Variants in FAT1 observed in about 807,000 individuals in gnomAD.
FAT1 encodes the protein protocadherin Fat 1.
FAT1 carries 171 observed loss-of-function variants against 329.8 expected under a neutral mutation model. The ratio of observed to expected loss-of-function variants is 0.52; its 90% CI spans 0.46 to 0.59. FAT1 has a LOEUF of 0.59. Ranked by LOEUF, FAT1 falls within the 20% of genes least tolerant of loss-of-function variation. FAT1 has a pLI of 0.00. For missense variants in FAT1, 5,672 were observed against 5,774.4 expected (o/e 0.98, Z 0.57); for synonymous variants, 2,233 against 2,228.6 (o/e 1.00, Z -0.06).
chr4:186,682,451 C>T (rs1041740078), intron 2 of FAT1, among the ~76,000 whole-genome samples: 9 of 143,902 alleles, frequency 6.3e-5, no homozygotes, highest in East Asian at 2.3e-4. Flanking sequence ...TCCTTGAACT[C>T]GGGAGGTGGA....
intron 3 of FAT1, among the ~76,000 whole-genome samples, chr4:186,649,478 G>T (rs1183851333): frequency 6.6e-6 from 1 of 152,184 alleles, no homozygotes; most frequent in African/African-American, 2.4e-5. Context: ...CTCAAGATGA[G>T]ACCACCTTGG....
intron 1 of FAT1, 102 bp from the exon 2 acceptor site, chr4:186,709,947 A>G: frequency 9.2e-7 from 1 of 1,086,848 alleles, no homozygotes; most frequent in South Asian, 1.8e-5. Context: ...TTCCATACAC[A>G]TGGAATATAA....
At position 186,617,881 on chromosome 4, in the gene FAT1, G is replaced by C. The variant is rs2126488918; in HGVS notation, c.8705C>G (p.Ala2902Gly). The C allele has an allele frequency of 6.2e-7, 1 of 1,613,982 alleles. No individual in the cohort carries two copies. The highest frequency in any genetic ancestry group is 8.5e-7 in the Non-Finnish European group (1 of 1,179,900). ...ATCGGTGACGGTAACATCCACAATG[G>C]CTGTGGAGGATAGCTGGATCTTTTC... is the stretch of plus-strand genomic sequence containing the variant. ...HGEKIQLSST[A>G]IVDVTVTDVN... Residue 2902 changes from alanine to glycine, a missense_variant, in exon 10 of 27, where the codon GCC (alanine) becomes GGC (glycine). Physicochemically the swap from Ala to Gly is moderately conservative, Grantham distance 60 (BLOSUM62 0). Around this residue, in one of 2 missense-constraint regions of FAT1, gnomAD observed 3,966 missense variants for 3,915.2 expected, o/e 1.01. Coordinates refer to ENST00000441802, the MANE Select transcript of FAT1 (RefSeq NM_005245.4).
intron 2 of FAT1, among the ~76,000 whole-genome samples, chr4:186,692,398 C>T (rs1055461363): frequency 7.2e-5 from 11 of 152,170 alleles, no homozygotes; most frequent in African/African-American, 1.2e-4. Flanking sequence ...CTGCAAGCTC[C>T]GCCTCCCGGG....
At chr4:186,642,368 G>C (rs1481323128) in intron 3 of FAT1, among the ~76,000 whole-genome samples, 1 of 152,128 alleles carries the variant, frequency 6.6e-6, no homozygotes, top group Non-Finnish European at 1.5e-5. Flanking sequence ...TTCTGTACTG[G>C]AAAACTCACG....
At chr4:186,688,561 G>T (rs551417045) in intron 2 of FAT1, among the ~76,000 whole-genome samples, 1 of 152,016 alleles carries the variant, frequency 6.6e-6, no homozygotes, top group East Asian at 1.9e-4. Flanking sequence ...TCAACAGCTC[G>T]GAAGAAATGA....
chr4:186,626,484 C>G (rs13108064), intron 9 of FAT1, among the ~76,000 whole-genome samples: 95 of 81,352 alleles, frequency 1.2e-3, no homozygotes, highest in South Asian at 1.6e-3. Context: ...CGCACATAAA[C>G]TGAGCTTCAT....
intron 9 of FAT1, 65 bp downstream of exon 9, chr4:186,628,089 G>T: frequency 1.3e-6 from 2 of 1,526,740 alleles, no homozygotes; most frequent in African/African-American, 1.4e-5. Context: ...AACTGATTTT[G>T]GAAAAGTAGA....
chr4:186,711,164 T>C (rs1744932183), intron 1 of FAT1, among the ~76,000 whole-genome samples: 1 of 152,166 alleles, frequency 6.6e-6, no homozygotes, highest in Non-Finnish European at 1.5e-5. Context: ...CAACATTAAT[T>C]TATAGTATCT....
chr4:186,672,597 C>T (rs1742779473), intron 2 of FAT1, among the ~76,000 whole-genome samples: 1 of 152,196 alleles, frequency 6.6e-6, no homozygotes, highest in Non-Finnish European at 1.5e-5. Flanking sequence ...CAAGATATAG[C>T]AGAGAAGAAC....
At position 186,708,485 on chromosome 4, in the gene FAT1, T is replaced by G. The variant is rs763211979; in HGVS notation, c.1343A>C (p.Lys448Thr). 5 of 1,613,868 alleles carry G rather than the reference T, an allele frequency of 3.1e-6. No homozygotes were observed. In the African/African-American group the frequency reaches 6.7e-5, roughly 22 times the overall value. The change falls in exon 2 of 27, where the codon AAG (lysine) becomes ACG (threonine). Residue 448 changes from lysine (K) to threonine (T), a missense_variant. By Grantham distance (78) the Lys-to-Thr change is moderately conservative. Around this residue, in one of 2 missense-constraint regions of FAT1, gnomAD observed 3,966 missense variants for 3,915.2 expected, o/e 1.01. Coordinates refer to ENST00000441802, the MANE Select transcript of FAT1 (RefSeq NM_005245.4). ...VTTSDRKAST[K>T]VLVKVLGANS... ...TGCACCTAAGACTTTCACCAAGACC[T>G]TGGTGGACGCTTTTCTGTCACTTGT...
chr4:186,636,960 T>C (rs774017429), intron 4 of FAT1, 46 bp from the exon 5 acceptor site: 45 of 1,503,462 alleles, frequency 3.0e-5, no homozygotes, highest in Non-Finnish European at 3.8e-5. Flanking sequence ...ATATACTATA[T>C]AAAAAGTGAG....
At position 186,636,887 on chromosome 4, in the gene FAT1, G is replaced by C. The variant is rs201461706; in HGVS notation, c.3670C>G (p.Pro1224Ala). The C allele has an allele frequency of 1.2e-5, 20 of 1,612,602 alleles. No individual in the cohort carries two copies. The Middle Eastern group carries it at 5.0e-4, about 40-fold the overall frequency. Residue 1224 changes from proline (P) to alanine (A), a missense_variant, in exon 5 of 27, where the codon CCC becomes GCC. Around this residue, in one of 2 missense-constraint regions of FAT1, gnomAD observed 3,966 missense variants for 3,915.2 expected, o/e 1.01. Coordinates refer to ENST00000441802, the MANE Select transcript of FAT1 (RefSeq NM_005245.4). The part of the protein sequence containing the change: ...EVTVTDNGSP[P>A]KSTIARVIVK... Reference sequence around the variant, plus strand: ...ATGACTCTTGCAATGGTTGATTTGGGGGGACTACCATTGTCTGTCACAGTA... The same window carrying C: ...ATGACTCTTGCAATGGTTGATTTGGCGGGACTACCATTGTCTGTCACAGTA...
chr4:186,661,375 A>T (rs1742162901), intron 3 of FAT1, among the ~76,000 whole-genome samples: 1 of 152,226 alleles, frequency 6.6e-6, no homozygotes, highest in Admixed American at 6.5e-5. Context: ...AGAGGCCAAG[A>T]ACAATCTCAA....
intron 3 of FAT1, among the ~76,000 whole-genome samples, chr4:186,659,647 G>A (rs1457445365): frequency 6.9e-6 from 1 of 145,974 alleles, no homozygotes; most frequent in Non-Finnish European, 1.5e-5. Context: ...AACCCTGGGC[G>A]CTCCTGCACT....
intron 1 of FAT1, among the ~76,000 whole-genome samples, chr4:186,710,734 C>T (rs996397980): frequency 5.3e-5 from 8 of 152,266 alleles, no homozygotes; most frequent in African/African-American, 1.9e-4. Flanking sequence ...TGGGCCCCTC[C>T]ATGAGAAGAT....
intron 2 of FAT1, among the ~76,000 whole-genome samples, chr4:186,675,768 A>G (rs1042292653): frequency 2.8e-5 from 4 of 143,746 alleles, no homozygotes; most frequent in Admixed American, 7.4e-5. Context: ...ACACATACAC[A>G]CGACCCTGTC....
At chr4:186,613,460 T>A in intron 12 of FAT1, 118 bp from the exon 13 acceptor site, 2 of 737,730 alleles carry the variant, frequency 2.7e-6, no homozygotes, top group South Asian at 3.4e-5. Context: ...AGCCTTCCTC[T>A]TGAGACCAGT....
At chr4:186,610,276 T>C (rs2126461767) in intron 14 of FAT1, among the ~76,000 whole-genome samples, 2 of 152,280 alleles carry the variant, frequency 1.3e-5, no homozygotes, top group East Asian at 1.9e-4. Flanking sequence ...CCTACATCCC[T>C]GCTTATTATA....
Sources: allele counts gnomAD v4.1 joint callset (sites outside exome capture counted in the v4.1 genomes callset), GRCh38; gene constraint gnomAD v4.1.1; regional missense constraint gnomAD v4.1.1; transcripts MANE v1.5; gene names NCBI Gene and HGNC (gene_info 2026-07-23, HGNC 2026-07-21).